The following MAP3K13 variants were observed in gnomAD, a reference collection of about 807,000 sequenced individuals.
The protein encoded by MAP3K13 is leucine zipper-bearing kinase.
Under a neutral mutation model 104.0 loss-of-function variants are expected in MAP3K13, and 52 were observed. The ratio of observed to expected loss-of-function variants is 0.50; its 90% CI spans 0.40 to 0.63. The LOEUF is 0.63. Among genes scored for constraint, MAP3K13 ranks in the 20% least tolerant of loss-of-function variants. The pLI is 0.00. For synonymous variants in MAP3K13, 394 were observed against 442.2 expected, an observed-to-expected ratio of 0.89 and a Z score of 1.37; for missense variants, 914 against 1,218.5, an observed-to-expected ratio of 0.75 and a Z score of 3.72.
intron 1 of MAP3K13, among the ~76,000 whole-genome samples, chr3:185,379,109 G>A (rs1430118133): frequency 6.6e-6 from 1 of 152,116 alleles, no homozygotes. Context: ...GCGTGGGTGA[G>A]CAGCCAAAGC....
rs529162365 is a variant in MAP3K13 at position 185,345,531 on chromosome 3, TC to T, written c.-86+59893del. The stretch of plus-strand genomic sequence containing the variant: ...CCATCACTTGCATTATTCCCTGAGT[TC>T]CCCCTCCTGTCAGATCAGCGGTGGC... On this transcript the variant is annotated intron_variant, in intron 2 of 14. Transcript: ENST00000424227. 2.2e-4 allele frequency among the ~76,000 whole-genome samples: 34 copies of T among 152,194 alleles called. No individual in the cohort carries two copies. The South Asian group carries it at 6.4e-3, about 29-fold the overall frequency.
At chr3:185,443,391 C>T in intron 3 of MAP3K13, 54 bp from the exon 4 acceptor site, 1 of 1,194,690 alleles carries the variant, frequency 8.4e-7, no homozygotes, top group East Asian at 2.4e-5. Context: ...TTTAAATATA[C>T]ATATGTATAC....
At chr3:185,380,945 TTTG>T (rs1277975866) in intron 1 of MAP3K13, among the ~76,000 whole-genome samples, 5 of 145,004 alleles carry the variant, frequency 3.4e-5, no homozygotes, top group African/African-American at 1.2e-4. Context: ...AGAAGGTTTT[TTTG>T]TTTTTTTTTT....
At chr3:185,406,987 AT>A (rs1423742267) in intron 1 of MAP3K13, among the ~76,000 whole-genome samples, 1 of 152,184 alleles carries the variant, frequency 6.6e-6, no homozygotes, top group African/African-American at 2.4e-5. Context: ...TTCTCACAAC[AT>A]TTTTATCCAG....
chr3:185,449,955 G>A lies in MAP3K13; in HGVS notation c.1066G>A (p.Val356Ile). 2 of 1,613,814 alleles carry A rather than the reference G, an allele frequency of 1.2e-6. No homozygotes were observed. The highest frequency in any genetic ancestry group is 8.5e-7 in the Non-Finnish European group (1 of 1,179,890). Reference protein sequence around the residue: ...LLTGEIPYKDVDSSAIIWGVG... With the variant: ...LLTGEIPYKDIDSSAIIWGVG... ...GACAGGAGAGATCCCTTACAAAGAT[G>A]TAGATTCTTCAGCCATTATCTGGGG... The change falls in exon 6 of 14, where the codon GTA becomes ATA. Residue 356 changes from valine (V) to isoleucine (I), a missense_variant. Transcript: ENST00000265026.
At chr3:185,455,878 GATATATGATATAGATGAGAT>G (rs1367321128) in intron 7 of MAP3K13, among the ~76,000 whole-genome samples, 15 of 123,418 alleles carry the variant, frequency 1.2e-4, no homozygotes, top group African/African-American at 3.9e-4. Context: ...ATATAGATGA[GATATATGATATAGATGAGAT>G]ATATATGATA....
intron 2 of MAP3K13, among the ~76,000 whole-genome samples, chr3:185,329,700 G>T (rs1175773825): frequency 1.3e-5 from 2 of 152,120 alleles, no homozygotes; most frequent in African/African-American, 4.8e-5. Flanking sequence ...TTGAGATTAG[G>T]ATCCAGGAAC....
intron 1 of MAP3K13, among the ~76,000 whole-genome samples, chr3:185,427,225 G>A (rs1031348197): frequency 7.3e-5 from 11 of 151,570 alleles, no homozygotes; most frequent in African/African-American, 1.5e-4. Flanking sequence ...TTAGCTGGGC[G>A]TGGTGGTGCG....
intron 2 of MAP3K13, among the ~76,000 whole-genome samples, chr3:185,353,270 C>G (rs928118128): frequency 6.6e-6 from 1 of 152,094 alleles, no homozygotes; most frequent in African/African-American, 2.4e-5. Context: ...CTTGGCAGCC[C>G]CCAGAATCAC....
chr3:185,433,079 A>G (rs926110639), intron 2 of MAP3K13, among the ~76,000 whole-genome samples: 1 of 152,228 alleles, frequency 6.6e-6, no homozygotes, highest in Non-Finnish European at 1.5e-5. Flanking sequence ...TTTTTAAAAA[A>G]TTTTAATGAT....
At chr3:185,311,202 A>G (rs1354229856) in intron 2 of MAP3K13, among the ~76,000 whole-genome samples, 1 of 152,174 alleles carries the variant, frequency 6.6e-6, no homozygotes, top group African/African-American at 2.4e-5. Context: ...TAATAAAGAC[A>G]TACCTAAGAC....
intron 2 of MAP3K13, among the ~76,000 whole-genome samples, chr3:185,347,238 G>C (rs1722963099): frequency 1.3e-5 from 2 of 152,028 alleles, no homozygotes; most frequent in African/African-American, 4.8e-5. Context: ...ACCCACCTCA[G>C]CCTCCCAAAG....
chr3:185,309,508 C>G, intron 2 of MAP3K13, among the ~76,000 whole-genome samples: 1 of 56,010 alleles, frequency 1.8e-5, no homozygotes, highest in Non-Finnish European at 3.9e-5. Flanking sequence ...GAGACCTTGT[C>G]TCACAAAAAA....
chr3:185,366,415 G>A (rs1045752088), intron 1 of MAP3K13, among the ~76,000 whole-genome samples: 4 of 152,076 alleles, frequency 2.6e-5, no homozygotes, highest in Non-Finnish European at 4.4e-5. Context: ...ACACATTTTT[G>A]TGTGAATTTG....
At chr3:185,476,985 A>G (rs1423362498) in intron 11 of MAP3K13, 1 of 422,574 alleles carries the variant, frequency 2.4e-6, no homozygotes. Flanking sequence ...GACAATGATT[A>G]CAAGAGACTG....
At chr3:185,436,192 G>A (rs988619032) in intron 2 of MAP3K13, among the ~76,000 whole-genome samples, 1 of 152,146 alleles carries the variant, frequency 6.6e-6, no homozygotes, top group Admixed American at 6.5e-5. Flanking sequence ...CATTATAAAA[G>A]TGATATAGGC....
At chr3:185,292,866 T>C (rs55750633) in intron 2 of MAP3K13, 6 of 984,016 alleles carry the variant, frequency 6.1e-6, no homozygotes, top group East Asian at 1.1e-4. Flanking sequence ...AGAGCAGTTA[T>C]GGGAGTTATA....
chr3:185,451,498 A>C, intron 7 of MAP3K13, 103 bp downstream of exon 7: 1 of 726,388 alleles, frequency 1.4e-6, no homozygotes. Context: ...TATAATAGTT[A>C]TATAACTCCA....
At chr3:185,474,938 T>C (rs1042494823) in intron 11 of MAP3K13, among the ~76,000 whole-genome samples, 2 of 151,676 alleles carry the variant, frequency 1.3e-5, no homozygotes, top group African/African-American at 4.9e-5. Flanking sequence ...CTACCAAAAA[T>C]ACAAAAATTA....
Sources: allele counts gnomAD v4.1 joint callset (sites outside exome capture counted in the v4.1 genomes callset), GRCh38; gene constraint gnomAD v4.1.1; transcripts MANE v1.5; gene names NCBI Gene and HGNC (gene_info 2026-07-23, HGNC 2026-07-21).